PTPRD: variants seen among roughly 807,000 people sequenced by gnomAD.
The protein encoded by PTPRD is receptor-type tyrosine-protein phosphatase delta.
In PTPRD, 34 loss-of-function variants were observed where a neutral mutation model predicts 214.5. The observed-to-expected ratio is 0.16, with a 90% CI of 0.12 to 0.21. PTPRD has a LOEUF of 0.21. Ranked by LOEUF, PTPRD falls within the 10% of genes least tolerant of loss-of-function variation. The probability of loss-of-function intolerance (pLI) is 1.00; values close to 1 mark genes in which losing one functional copy is unlikely to be tolerated. For missense variants in PTPRD, 2,545 were observed against 2,398.7 expected (o/e 1.06, Z -1.27); for synonymous variants, 1,128 against 845.7 (o/e 1.33, Z -5.79).
intron 11 of PTPRD, among the ~76,000 whole-genome samples, chr9:8,827,050 C>T (rs2097190547): frequency 6.6e-6 from 1 of 151,862 alleles, no homozygotes; most frequent in African/African-American, 2.4e-5. Flanking sequence ...ACACATATAA[C>T]ACACACACAC....
intron 11 of PTPRD, among the ~76,000 whole-genome samples, chr9:8,932,191 C>CTT: frequency 6.6e-6 from 1 of 152,062 alleles, no homozygotes; most frequent in East Asian, 1.9e-4. Flanking sequence ...TGTTTCTTGC[C>CTT]TTCTGCTAGC....
rs2099546909 is a variant in PTPRD, at chr9:9,018,754, T to C, written c.-142-19A>G. On this transcript the variant is annotated intron_variant, in intron 10 of 45. Transcript: ENST00000381196. ...CGTCTCCCTAAACAAAGAAGAAATG[T>C]GACAACAATTAAAATGTGAAAACGA... is the stretch of plus-strand genomic sequence containing the variant. 6.6e-6 allele frequency: 1 copy of C among 152,200 alleles called. No individual in the cohort carries two copies. Among genetic ancestry groups the C allele is most frequent in the Non-Finnish European group, 1.5e-5 (1 of 68,030 alleles). 9.4% of individuals were successfully genotyped at this position (152,200 alleles called of 1,614,324 possible). A position where few individuals can be genotyped will look rare whatever the true frequency, so the allele number is the denominator to read the frequency against.
chr9:9,432,640 G>A (rs1378639103), intron 8 of PTPRD, among the ~76,000 whole-genome samples: 1 of 152,066 alleles, frequency 6.6e-6, no homozygotes, highest in Non-Finnish European at 1.5e-5. Flanking sequence ...CTGCCTAAGG[G>A]GAAAATGCTT....
intron 11 of PTPRD, among the ~76,000 whole-genome samples, chr9:8,784,880 T>C (rs1257293004): frequency 2.0e-5 from 3 of 152,198 alleles, no homozygotes; most frequent in African/African-American, 7.2e-5. Context: ...TATCTTGCAC[T>C]GCGAGCCCCT....
intron 8 of PTPRD, among the ~76,000 whole-genome samples, chr9:9,556,286 C>T (rs2081489711): frequency 6.6e-6 from 1 of 152,038 alleles, no homozygotes; most frequent in Non-Finnish European, 1.5e-5. Context: ...TGTCTTCACA[C>T]TGAGTAAGTT....
intron 3 of PTPRD, among the ~76,000 whole-genome samples, chr9:10,155,751 G>T (rs2099088769): frequency 6.6e-6 from 1 of 152,102 alleles, no homozygotes; most frequent in Non-Finnish European, 1.5e-5. Flanking sequence ...CACATTCATT[G>T]ATTTGCCTAT....
intron 3 of PTPRD, among the ~76,000 whole-genome samples, chr9:10,323,846 T>C (rs2096598149): frequency 6.6e-6 from 1 of 151,926 alleles, no homozygotes; most frequent in Non-Finnish European, 1.5e-5. Flanking sequence ...AACCTCCAAG[T>C]TTACAAGTGA....
chr9:9,827,435 G>T (rs2053311681), intron 5 of PTPRD, among the ~76,000 whole-genome samples: 1 of 152,086 alleles, frequency 6.6e-6, no homozygotes, highest in Non-Finnish European at 1.5e-5. Flanking sequence ...AAATGGTGCT[G>T]GGAAAACTGG....
At chr9:8,935,837 G>A (rs2098993171) in intron 11 of PTPRD, among the ~76,000 whole-genome samples, 1 of 152,104 alleles carries the variant, frequency 6.6e-6, no homozygotes, top group South Asian at 2.1e-4. Flanking sequence ...TTCCATCCAA[G>A]AGTGAGTATA....
intron 10 of PTPRD, among the ~76,000 whole-genome samples, chr9:9,108,318 G>T (rs2099801475): frequency 6.6e-6 from 1 of 152,058 alleles, no homozygotes; most frequent in Admixed American, 6.6e-5. Flanking sequence ...AAGATACATT[G>T]TAGAACCAAC....
intron 14 of PTPRD, among the ~76,000 whole-genome samples, chr9:8,621,194 T>C (rs1359062702): frequency 4.6e-5 from 7 of 151,812 alleles, no homozygotes; most frequent in Non-Finnish European, 1.0e-4. Flanking sequence ...TCCACCATTC[T>C]GAGAGAGATT....
chr9:9,434,130 T>C (rs1175587761), intron 8 of PTPRD, among the ~76,000 whole-genome samples: 3 of 152,178 alleles, frequency 2.0e-5, no homozygotes, highest in Non-Finnish European at 4.4e-5. Context: ...GCTTTACCTA[T>C]TGTAATATGA....
At chr9:9,738,667 C>A (rs1012813618) in intron 6 of PTPRD, among the ~76,000 whole-genome samples, 75 of 151,814 alleles carry the variant, frequency 4.9e-4, no homozygotes, top group Non-Finnish European at 7.5e-4. Flanking sequence ...GTCTCGAACT[C>A]CTGACCTCAA....
At chr9:10,351,536 G>A (rs149289763) in intron 2 of PTPRD, among the ~76,000 whole-genome samples, 8 of 152,128 alleles carry the variant, frequency 5.3e-5, no homozygotes, top group African/African-American at 1.7e-4. Flanking sequence ...AAATAGCCAC[G>A]TTGGAGTCAA....
chr9:9,053,808 G>T (rs774617712), intron 10 of PTPRD, among the ~76,000 whole-genome samples: 24 of 152,062 alleles, frequency 1.6e-4, no homozygotes, highest in Non-Finnish European at 3.2e-4. Flanking sequence ...AGGTTTTTTG[G>T]CAGATTAGGT....
At chr9:9,670,871 C>T (rs555680849) in intron 7 of PTPRD, among the ~76,000 whole-genome samples, 96 of 152,266 alleles carry the variant, frequency 6.3e-4, no homozygotes, top group Admixed American at 1.2e-3. Context: ...AGGGGCAGTG[C>T]ACTCATGGAG....
intron 7 of PTPRD, among the ~76,000 whole-genome samples, chr9:9,698,244 T>C (rs1279545000): frequency 2.0e-5 from 3 of 152,178 alleles, no homozygotes; most frequent in Admixed American, 6.5e-5. Context: ...ACTAGTCTTT[T>C]ATTTCAGTCT....
chr9:8,590,693 G>A (rs2094029215), intron 14 of PTPRD, among the ~76,000 whole-genome samples: 1 of 152,120 alleles, frequency 6.6e-6, no homozygotes, highest in Admixed American at 6.6e-5. Context: ...GTGAAGAGCA[G>A]GGGTCACAAA....
chr9:8,633,403 G>A lies in PTPRD; in HGVS notation c.266C>T (p.Thr89Ile), dbSNP rs1208308933. 1.2e-6 allele frequency: 2 copies of A among 1,612,808 alleles called. No homozygotes were observed. Among genetic ancestry groups the A allele is most frequent in the Middle Eastern group, 1.7e-4 (1 of 6,052 alleles). ...GSVLRIQPLR[T>I]PRDEAIYECV... ...TTCATAAATGGCCTCATCCCTCGGA[G>A]TCCGTAAGGGTTGTATTCTGAGAAC... Residue 89 changes from threonine to isoleucine, a missense_variant, in exon 14 of 46, where the codon ACT (threonine) becomes ATT (isoleucine). By Grantham distance (89) the Thr-to-Ile change is moderately conservative. Coordinates refer to ENST00000381196, the MANE Select transcript of PTPRD (RefSeq NM_002839.4).
Sources: gnomAD v4.1 joint callset for allele counts (sites outside exome capture counted in the v4.1 genomes callset) on GRCh38, gnomAD v4.1.1 for gene constraint, MANE v1.5 for transcripts, NCBI Gene and HGNC (gene_info 2026-07-23, HGNC 2026-07-21) for gene names.